UBE2E2: variants seen among roughly 807,000 people sequenced by gnomAD.
The protein encoded by UBE2E2 is ubiquitin-conjugating enzyme E2 E2.
In UBE2E2, 6 loss-of-function variants were observed where a neutral mutation model predicts 24.7. The ratio of observed to expected loss-of-function variants is 0.24; its 90% CI spans 0.13 to 0.48. The LOEUF is 0.48. UBE2E2 is among the 20% of genes least tolerant of loss of function. The pLI, the probability that UBE2E2 is intolerant of heterozygous loss-of-function variation, is 0.99. For synonymous variants in UBE2E2, 104 were observed against 83.6 expected (o/e 1.24, Z -1.33); for missense variants, 169 against 245.0 (o/e 0.69, Z 2.07).
chr3:23,486,382 G>A (rs1190459852), intron 3 of UBE2E2, among the ~76,000 whole-genome samples: 1 of 152,204 alleles, frequency 6.6e-6, no homozygotes, highest in Non-Finnish European at 1.5e-5. Context: ...GTATTACAGT[G>A]TGTCACAGCT....
chr3:23,288,304 A>C (rs117150038), intron 3 of UBE2E2, among the ~76,000 whole-genome samples: 4,470 of 152,244 alleles, frequency 0.029, 125 homozygotes, highest in East Asian at 0.14. Flanking sequence ...AGTTTTTTAA[A>C]ATGTTTTGAG....
chr3:23,240,870 A>C (rs1176524864), intron 3 of UBE2E2, among the ~76,000 whole-genome samples: 5 of 152,180 alleles, frequency 3.3e-5, no homozygotes, highest in Admixed American at 3.3e-4. Flanking sequence ...AGATGTGCTA[A>C]ATGAAGGTTA....
At chr3:23,335,299 A>T (rs1299143848) in intron 3 of UBE2E2, among the ~76,000 whole-genome samples, 1 of 152,088 alleles carries the variant, frequency 6.6e-6, no homozygotes. Flanking sequence ...ATATGGGGAG[A>T]CTGACCCTGG....
At chr3:23,362,930 A>G (rs1009558257) in intron 3 of UBE2E2, among the ~76,000 whole-genome samples, 1 of 44,768 alleles carries the variant, frequency 2.2e-5, no homozygotes, top group African/African-American at 1.1e-4. Flanking sequence ...CCATCAGGCT[A>G]ACAGTGAAAA....
chr3:23,307,008 A>G (rs532633193), intron 3 of UBE2E2, among the ~76,000 whole-genome samples: 1 of 152,326 alleles, frequency 6.6e-6, no homozygotes, highest in South Asian at 2.1e-4. Context: ...AATAATTTAA[A>G]GATATTATAG....
chr3:23,488,057 A>T (rs1422607012), intron 3 of UBE2E2, among the ~76,000 whole-genome samples: 1 of 152,160 alleles, frequency 6.6e-6, no homozygotes, highest in Non-Finnish European at 1.5e-5. Flanking sequence ...AGACAACTGT[A>T]TGAAGAAATT....
At chr3:23,572,781 A>T (rs1303748991) in intron 5 of UBE2E2, among the ~76,000 whole-genome samples, 1 of 152,124 alleles carries the variant, frequency 6.6e-6, no homozygotes, top group Non-Finnish European at 1.5e-5. Flanking sequence ...TATCCAGTCC[A>T]CTGTTGATGG....
intron 3 of UBE2E2, among the ~76,000 whole-genome samples, chr3:23,274,305 T>C (rs1698324502): frequency 6.6e-6 from 1 of 152,112 alleles, no homozygotes; most frequent in Non-Finnish European, 1.5e-5. Flanking sequence ...CTTTCCCCTC[T>C]TCTTCTTCTC....
chr3:23,515,330 A>G (rs1331488208), intron 4 of UBE2E2, among the ~76,000 whole-genome samples: 1 of 152,178 alleles, frequency 6.6e-6, no homozygotes, highest in Non-Finnish European at 1.5e-5. Flanking sequence ...AGGTGTGCAC[A>G]CACATGTAAA....
chr3:23,262,677 T>C (rs1697935764), intron 3 of UBE2E2, among the ~76,000 whole-genome samples: 1 of 152,110 alleles, frequency 6.6e-6, no homozygotes, highest in African/African-American at 2.4e-5. Flanking sequence ...TTATTAGATG[T>C]ATGGTTTGTA....
chr3:23,377,241 C>G (rs1196161637), intron 3 of UBE2E2, among the ~76,000 whole-genome samples: 3 of 152,134 alleles, frequency 2.0e-5, no homozygotes, highest in Non-Finnish European at 2.9e-5. Flanking sequence ...CAGAACTCAT[C>G]TACCTGAAAA....
intron 5 of UBE2E2, among the ~76,000 whole-genome samples, chr3:23,569,452 A>G (rs1034951745): frequency 6.6e-6 from 1 of 152,230 alleles, no homozygotes; most frequent in Non-Finnish European, 1.5e-5. Flanking sequence ...TAAAGTGTGC[A>G]CTTTAAATGG....
chr3:23,281,667 A>G (rs553497000), intron 3 of UBE2E2, among the ~76,000 whole-genome samples: 3 of 152,236 alleles, frequency 2.0e-5, no homozygotes, highest in African/African-American at 7.2e-5. Flanking sequence ...GAGGAGAAAC[A>G]TGTTTTTCTT....
chr3:23,416,842 G>A (rs541792596), intron 3 of UBE2E2, among the ~76,000 whole-genome samples: 11 of 151,960 alleles, frequency 7.2e-5, no homozygotes, highest in African/African-American at 2.2e-4. Context: ...TGATCAATTC[G>A]GCTATTGATA....
chr3:23,517,601 A>G (rs1559409066), intron 4 of UBE2E2, among the ~76,000 whole-genome samples: 1 of 152,192 alleles, frequency 6.6e-6, no homozygotes. Flanking sequence ...GGGGATAAAA[A>G]TCAGTATCAG....
intron 3 of UBE2E2, among the ~76,000 whole-genome samples, chr3:23,419,115 A>G (rs940842889): frequency 5.3e-5 from 8 of 152,090 alleles, no homozygotes; most frequent in East Asian, 1.9e-4. Context: ...TACCACATCT[A>G]GCTAATTTTT....
intron 3 of UBE2E2, among the ~76,000 whole-genome samples, chr3:23,404,333 C>CTTA (rs1468003406): frequency 6.6e-6 from 1 of 152,148 alleles, no homozygotes; most frequent in Non-Finnish European, 1.5e-5. Flanking sequence ...TGCCTCCATG[C>CTTA]TTAGCTGTTT....
chr3:23,336,722 A>G (rs1031720435), intron 3 of UBE2E2, among the ~76,000 whole-genome samples: 1 of 152,236 alleles, frequency 6.6e-6, no homozygotes, highest in Admixed American at 6.5e-5. Flanking sequence ...TTTGAGAAAA[A>G]AATAGTTGAT....
chr3:23,232,728 A>AT (rs913543295), intron 3 of UBE2E2, among the ~76,000 whole-genome samples: 1 of 152,226 alleles, frequency 6.6e-6, no homozygotes, highest in African/African-American at 2.4e-5. Flanking sequence ...TGAAGAAATC[A>AT]TTTTTGCTCT....
Sources: gnomAD v4.1 joint callset for allele counts (sites outside exome capture counted in the v4.1 genomes callset) on GRCh38, gnomAD v4.1.1 for gene constraint, MANE v1.5 for transcripts, NCBI Gene and HGNC (gene_info 2026-07-23, HGNC 2026-07-21) for gene names.